The following ACACA variants were observed in gnomAD, a reference collection of about 807,000 sequenced individuals.
ACACA encodes acetyl-CoA carboxylase 1.
ACACA carries 103 observed loss-of-function variants against 296.1 expected under a neutral mutation model. The observed-to-expected ratio is 0.35, with a 90% CI of 0.30 to 0.41. The LOEUF (loss-of-function observed/expected upper bound fraction) is 0.41, where lower values mean the gene tolerates loss of function less well. ACACA is among the 10% of genes least tolerant of loss of function. The pLI is 1.00. For synonymous variants in ACACA, 953 were observed against 1,038.6 expected (o/e 0.92, Z 1.58); for missense variants, 1,554 against 2,989.7 (o/e 0.52, Z 11.20).
At position 37,097,974 on chromosome 17, in the gene ACACA, C is replaced by T. The variant is rs370402631; in HGVS notation, c.6576G>A (p.Glu2192=). ...IHLAERLGTP[E]LSTAERKELE... is the part of the protein sequence containing the mutation. ...ACTCCTTCCGCTCAGCTGTGCTTAG[C>T]TCTGGGGTCCCTGCAATTAGATAAA... is the stretch of plus-strand genomic sequence containing the variant. The change falls in exon 53 of 56, where the codon GAG becomes GAA. Residue 2192 remains glutamate, a synonymous_variant. Coordinates refer to ENST00000616317, the MANE Select transcript of ACACA (RefSeq NM_198834.3). This position sits in a 1 kb window ranked among gnomAD's most constrained non-coding sequence, Gnocchi z 4.8. 4.3e-6 allele frequency: 7 copies of T among 1,614,230 alleles called. No homozygotes were observed. Among genetic ancestry groups the T allele is most frequent in the Non-Finnish European group, 5.9e-6 (7 of 1,180,040 alleles).
chr17:37,089,697 G>A (rs1291618138), intron 54 of ACACA, among the ~76,000 whole-genome samples: 1 of 152,116 alleles, frequency 6.6e-6, no homozygotes, highest in Non-Finnish European at 1.5e-5. Flanking sequence ...GAGAGTATTC[G>A]AAAGGATCAA....
intron 47 of ACACA, among the ~76,000 whole-genome samples, chr17:37,128,234 GTAATAGCTATA>G (rs2074918755): frequency 6.6e-6 from 1 of 152,074 alleles, no homozygotes; most frequent in African/African-American, 2.4e-5. Context: ...GAAAAACAAT[GTAATAGCTATA>G]TAATAGCTAT....
intron 11 of ACACA, among the ~76,000 whole-genome samples, chr17:37,260,286 ATATATATATATTTTTTTTT>A (rs1389712310): frequency 0.024 from 756 of 30,888 alleles, 61 homozygotes; most frequent in African/African-American, 0.083. Flanking sequence ...ATATATATAT[ATATATATATATTTTTTTTT>A]TTTTTTTTTT....
chr17:37,139,738 G>A (rs1402088952), intron 45 of ACACA, among the ~76,000 whole-genome samples: 1 of 152,146 alleles, frequency 6.6e-6, no homozygotes, highest in Non-Finnish European at 1.5e-5. Flanking sequence ...ACTTCCAAGT[G>A]GAATTAAGTT....
At chr17:37,114,170 A>G (rs2074119698) in intron 50 of ACACA, among the ~76,000 whole-genome samples, 1 of 151,992 alleles carries the variant, frequency 6.6e-6, no homozygotes, top group Non-Finnish European at 1.5e-5. Flanking sequence ...GTGACAGAAC[A>G]AGACCCTGTC....
At chr17:37,186,835 C>A (rs918225358) in intron 39 of ACACA, among the ~76,000 whole-genome samples, 4 of 151,584 alleles carry the variant, frequency 2.6e-5, no homozygotes, top group African/African-American at 9.7e-5. Flanking sequence ...GTGCCTTTCA[C>A]ACTCCTGTGT....
intron 10 of ACACA, among the ~76,000 whole-genome samples, chr17:37,270,050 G>A (rs1037335127): frequency 1.3e-5 from 2 of 152,084 alleles, no homozygotes; most frequent in African/African-American, 4.8e-5. Flanking sequence ...TTCTTTGGTC[G>A]TCTCCGCAAC....
In ACACA at chr17:37,207,678, C is replaced by T. The variant is rs367668853; in HGVS notation, c.3830G>A (p.Arg1277Gln). The T allele has an allele frequency of 8.7e-6, 14 of 1,613,784 alleles. No individual in the cohort carries two copies. Among genetic ancestry groups the T allele is most frequent in the Middle Eastern group, 1.6e-4 (1 of 6,084 alleles). The change falls in exon 31 of 56, where the codon CGG (arginine) becomes CAG (glutamine). Residue 1277 changes from arginine to glutamine, a missense_variant. Physicochemically the swap from Arg to Gln is conservative, Grantham distance 43 (BLOSUM62 1). Transcript: ENST00000616317. ...TTACCTGACAAAATCTTCAAAAGTC[C>T]GAAAAGAGACCATTCCGCCCATCCG... is the stretch of plus-strand genomic sequence containing the variant. ...CQRMGGMVSF[R>Q]TFEDFVRIFD...
chr17:37,244,794 C>T (rs1218744794), intron 20 of ACACA, 60 bp from the exon 21 acceptor site: 1 of 1,601,642 alleles, frequency 6.2e-7, no homozygotes, highest in African/African-American at 1.3e-5. Context: ...TACAAACACA[C>T]CACTGCACTT....
At chr17:37,304,651 G>A (rs2083783463) in intron 3 of ACACA, among the ~76,000 whole-genome samples, 1 of 151,858 alleles carries the variant, frequency 6.6e-6, no homozygotes, top group Non-Finnish European at 1.5e-5. Context: ...AAATTAGCTG[G>A]GCGTGGTGGT....
intron 19 of ACACA, among the ~76,000 whole-genome samples, chr17:37,245,712 C>T (rs1423658703): frequency 2.6e-5 from 4 of 152,088 alleles, no homozygotes; most frequent in East Asian, 3.9e-4. Context: ...TCAAAGACCC[C>T]CTAAGAGATC....
At position 37,274,253 on chromosome 17, in the gene ACACA, T is replaced by C. The variant is rs751141794; in HGVS notation, c.948A>G (p.Leu316=). The part of the protein sequence containing the change: ...WQENDFSKRI[L]NVPQELYEKG... ...TTTCATATAGCTCCTGGGGAACATT[T>C]AAGATACGTTTTGAAAAATCATTTT... Residue 316 remains leucine (L), a synonymous_variant, in exon 9 of 56, where the codon TTA becomes TTG. Transcript: ENST00000616317. 3 of 1,614,068 alleles carry C rather than the reference T, an allele frequency of 1.9e-6. No homozygotes were observed. The African/African-American group carries it at 4.0e-5, about 22-fold the overall frequency.
chr17:37,104,949 A>AAG (rs2073585667), intron 52 of ACACA, among the ~76,000 whole-genome samples: 2 of 151,086 alleles, frequency 1.3e-5, no homozygotes, highest in Admixed American at 6.6e-5. Flanking sequence ...TGACCGAAAA[A>AAG]AAAAAAAAAA....
intron 54 of ACACA, among the ~76,000 whole-genome samples, chr17:37,090,184 C>T (rs1273497169): frequency 6.6e-6 from 1 of 152,134 alleles, no homozygotes; most frequent in African/African-American, 2.4e-5. Flanking sequence ...GAAATGTCTT[C>T]ATCACAAGAG....
intron 48 of ACACA, 57 bp downstream of exon 48, chr17:37,125,637 CTCTT>C: frequency 1.5e-6 from 2 of 1,355,574 alleles, no homozygotes; most frequent in Non-Finnish European, 2.1e-6. Context: ...AGAGCCATGG[CTCTT>C]TCTTTCTTAT....
intron 11 of ACACA, among the ~76,000 whole-genome samples, chr17:37,262,809 A>C (rs564555240): frequency 2.6e-5 from 4 of 152,256 alleles, no homozygotes; most frequent in Non-Finnish European, 4.4e-5. Flanking sequence ...GGCTCACTGC[A>C]GCTTTGACCT....
chr17:37,275,827 C>A, intron 8 of ACACA, 124 bp downstream of exon 8: 1 of 835,822 alleles, frequency 1.2e-6, no homozygotes, highest in Non-Finnish European at 2.1e-6. Flanking sequence ...CTACAAGGTA[C>A]CATTAATCAA....
intron 10 of ACACA, among the ~76,000 whole-genome samples, chr17:37,269,405 AT>A (rs1176056773): frequency 6.6e-6 from 1 of 152,216 alleles, no homozygotes; most frequent in African/African-American, 2.4e-5. Flanking sequence ...ACCTAACCTA[AT>A]GAACACCATA....
At chr17:37,104,944 G>GA (rs66518229) in intron 52 of ACACA, among the ~76,000 whole-genome samples, 2,631 of 56,056 alleles carry the variant, frequency 0.047, 175 homozygotes, top group African/African-American at 0.11. Context: ...GTCTCTGACC[G>GA]AAAAAAAAAA....
Sources: allele counts gnomAD v4.1 joint callset (sites outside exome capture counted in the v4.1 genomes callset), GRCh38; gene constraint gnomAD v4.1.1; non-coding constraint Gnocchi (gnomAD v3.1); transcripts MANE v1.5; gene names NCBI Gene and HGNC (gene_info 2026-07-23, HGNC 2026-07-21).